GPC6: variants seen among roughly 807,000 people sequenced by gnomAD.
The protein encoded by GPC6 is glypican-6.
GPC6 carries 14 observed loss-of-function variants against 55.2 expected under a neutral mutation model. That is an observed-to-expected ratio of 0.25 (90% confidence interval 0.17 to 0.40). The LOEUF is 0.40. Among genes scored for constraint, GPC6 ranks in the 10% least tolerant of loss-of-function variants. The pLI is 1.00. For missense variants in GPC6, 641 were observed against 708.5 expected, an observed-to-expected ratio of 0.90 and a Z score of 1.08; for synonymous variants, 278 against 259.6, an observed-to-expected ratio of 1.07 and a Z score of -0.68.
At chr13:94,337,735 A>T (rs1566691437) in intron 6 of GPC6, among the ~76,000 whole-genome samples, 2 of 152,210 alleles carry the variant, frequency 1.3e-5, no homozygotes, top group Non-Finnish European at 2.9e-5. Flanking sequence ...GGCGTAATTC[A>T]TGATATACTT....
At chr13:93,459,157 C>T (rs1355253158) in intron 1 of GPC6, among the ~76,000 whole-genome samples, 1 of 152,192 alleles carries the variant, frequency 6.6e-6, no homozygotes, top group Non-Finnish European at 1.5e-5. Context: ...CTCCTGGATT[C>T]AAGCAATCCT....
At chr13:93,739,611 A>G (rs1566511461) in intron 2 of GPC6, among the ~76,000 whole-genome samples, 1 of 151,892 alleles carries the variant, frequency 6.6e-6, no homozygotes, top group East Asian at 1.9e-4. Context: ...TTGTATTTCT[A>G]GTAGAGACGG....
At chr13:93,340,026 CTTTTTTTTTTTTTTT>C (rs10714044) in intron 1 of GPC6, among the ~76,000 whole-genome samples, 4 of 81,618 alleles carry the variant, frequency 4.9e-5, no homozygotes, top group African/African-American at 1.5e-4. Context: ...AGTTTTCTTT[CTTTTTTTTTTTTTTT>C]TTTTTTTTTT....
chr13:93,231,385 A>ATATATATATG (rs1876035613), intron 1 of GPC6, among the ~76,000 whole-genome samples: 3 of 21,872 alleles, frequency 1.4e-4, no homozygotes, highest in Admixed American at 7.0e-4. Context: ...ATATACATAT[A>ATATATATATG]TATATATATA....
rs1327110271 is a variant in GPC6, at chr13:93,501,692, C to T, written c.161-43571C>T. 2.6e-5 allele frequency among the ~76,000 whole-genome samples: 4 copies of T among 152,094 alleles called. No homozygotes were observed. The East Asian group carries it at 7.7e-4, about 29-fold the overall frequency. ...CTGCATCTTCACATTTCATGTGAGA[C>T]ACTGAGTTCGTCTCCACATAAATGG... On this transcript the variant is annotated intron_variant, in intron 1 of 8. Coordinates refer to ENST00000377047, the MANE Select transcript of GPC6 (RefSeq NM_005708.5).
chr13:93,797,424 GA>G (rs1221939444), intron 2 of GPC6, among the ~76,000 whole-genome samples: 1 of 152,016 alleles, frequency 6.6e-6, no homozygotes, highest in Non-Finnish European at 1.5e-5. Flanking sequence ...AAATGAAAAT[GA>G]ACATTTCTCA....
chr13:93,983,389 C>A (rs1342638084), intron 3 of GPC6, among the ~76,000 whole-genome samples: 2 of 151,970 alleles, frequency 1.3e-5, no homozygotes, highest in Non-Finnish European at 2.9e-5. Flanking sequence ...TTGGAGAAAT[C>A]ATGCATTTAG....
At chr13:93,927,369 C>G (rs999979879) in intron 3 of GPC6, among the ~76,000 whole-genome samples, 1 of 152,144 alleles carries the variant, frequency 6.6e-6, no homozygotes, top group Non-Finnish European at 1.5e-5. Flanking sequence ...TCCTTCCTTA[C>G]TATCATCTTG....
chr13:93,785,663 T>C (rs1885796298), intron 2 of GPC6, among the ~76,000 whole-genome samples: 1 of 152,176 alleles, frequency 6.6e-6, no homozygotes, highest in Non-Finnish European at 1.5e-5. Flanking sequence ...GTTAATTTAA[T>C]ATTTTAGAAA....
At chr13:93,887,042 A>ATGTTTAGACACTGGATTATC (rs1875384058) in intron 3 of GPC6, among the ~76,000 whole-genome samples, 2 of 152,028 alleles carry the variant, frequency 1.3e-5, no homozygotes, top group Admixed American at 6.6e-5. Context: ...AAGAGTCCAA[A>ATGTTTAGACACTGGATTATC]TGTTTAGACA....
intron 4 of GPC6, among the ~76,000 whole-genome samples, chr13:94,044,545 G>A (rs1883656546): frequency 6.6e-6 from 1 of 151,884 alleles, no homozygotes; most frequent in South Asian, 2.1e-4. Context: ...AATTAGTATT[G>A]TTTCCAATAT....
chr13:93,469,766 T>A (rs1318233678), intron 1 of GPC6, among the ~76,000 whole-genome samples: 1 of 152,126 alleles, frequency 6.6e-6, no homozygotes, highest in Non-Finnish European at 1.5e-5. Flanking sequence ...AAAACTTTTG[T>A]AGAAAGTATG....
chr13:93,535,224 G>C (rs755889970), intron 1 of GPC6, among the ~76,000 whole-genome samples: 79 of 152,068 alleles, frequency 5.2e-4, no homozygotes, highest in Non-Finnish European at 9.3e-4. Context: ...ATATGAGTGG[G>C]AAACTCTTAA....
chr13:94,284,628 A>G (rs951115822), intron 4 of GPC6, among the ~76,000 whole-genome samples: 4 of 152,008 alleles, frequency 2.6e-5, no homozygotes, highest in African/African-American at 9.7e-5. Flanking sequence ...ACAAAAACCT[A>G]TGTATCATTA....
At chr13:94,318,019 T>A (rs1399106422) in intron 6 of GPC6, among the ~76,000 whole-genome samples, 2 of 152,252 alleles carry the variant, frequency 1.3e-5, no homozygotes, top group African/African-American at 2.4e-5. Flanking sequence ...TCATCACTAC[T>A]TTTTAAAATT....
intron 1 of GPC6, among the ~76,000 whole-genome samples, chr13:93,417,968 G>C (rs1876767202): frequency 6.6e-6 from 1 of 151,994 alleles, no homozygotes. Flanking sequence ...ACAGAGTCCT[G>C]ATTAGCTTTC....
intron 3 of GPC6, among the ~76,000 whole-genome samples, chr13:93,916,261 C>T (rs947427742): frequency 3.9e-5 from 6 of 152,154 alleles, no homozygotes; most frequent in African/African-American, 1.4e-4. Context: ...ATGCTTCAGG[C>T]TCTGCTTCCT....
intron 2 of GPC6, among the ~76,000 whole-genome samples, chr13:93,813,609 T>C (rs1420219154): frequency 6.6e-6 from 1 of 152,144 alleles, no homozygotes; most frequent in Non-Finnish European, 1.5e-5. Flanking sequence ...TTAATTGTTA[T>C]TGATTTAAGA....
chr13:93,637,155 A>C (rs1594331393), intron 2 of GPC6, among the ~76,000 whole-genome samples: 1 of 152,118 alleles, frequency 6.6e-6, no homozygotes, highest in African/African-American at 2.4e-5. Context: ...AACAAAGACT[A>C]TTGGGTTCAT....
Sources: gnomAD v4.1 joint callset for allele counts (sites outside exome capture counted in the v4.1 genomes callset) on GRCh38, gnomAD v4.1.1 for gene constraint, MANE v1.5 for transcripts, NCBI Gene and HGNC (gene_info 2026-07-23, HGNC 2026-07-21) for gene names.